SLC28A3: variants seen among roughly 807,000 people sequenced by gnomAD.
SLC28A3 encodes the protein concentrative Na(+)-nucleoside cotransporter 3.
SLC28A3 carries 68 observed loss-of-function variants against 84.2 expected under a neutral mutation model. The ratio of observed to expected loss-of-function variants is 0.81; its 90% CI spans 0.66 to 0.99. The LOEUF is 0.99. Ranked by LOEUF, SLC28A3 falls within the 50% of genes least tolerant of loss-of-function variation. The pLI is 0.00. For synonymous variants in SLC28A3, 267 were observed against 303.6 expected (o/e 0.88, Z 1.25); for missense variants, 712 against 841.5 (o/e 0.85, Z 1.90).
At position 84,277,358 on chromosome 9, in the gene SLC28A3, T is replaced by C. The variant is rs1391640534; in HGVS notation, c.*860A>G. 6.6e-6 allele frequency: 1 copy of C among 152,274 alleles called. No homozygotes were observed. Among genetic ancestry groups the C allele is most frequent in the Non-Finnish European group, 1.5e-5 (1 of 68,052 alleles). 9.4% of individuals were successfully genotyped at this position (152,274 alleles called of 1,614,324 possible). A position where few individuals can be genotyped will look rare whatever the true frequency, so the allele number is the denominator to read the frequency against. ...CATCGTGCCTGTCACAGGACTTGTT[T>C]TGGCTAATGGAATGTCATGGAAGTA... On this transcript the variant is annotated 3_prime_UTR_variant, in exon 18 of 18. Coordinates refer to ENST00000376238, the MANE Select transcript of SLC28A3 (RefSeq NM_001199633.2).
At chr9:84,285,055 G>T (rs1353195788) in intron 14 of SLC28A3, among the ~76,000 whole-genome samples, 1 of 152,200 alleles carries the variant, frequency 6.6e-6, no homozygotes, top group Non-Finnish European at 1.5e-5. Flanking sequence ...ATTGATTGCA[G>T]TCCCAGCTCA....
rs1233112485 is a variant in SLC28A3 at position 84,292,479 on chromosome 9, C to CTCTG, written c.1023+188_1023+189insCAGA. The CTCTG allele has an allele frequency of 3.4e-4, 95 of 275,564 alleles. No individual in the cohort carries two copies. In the African/African-American group the frequency reaches 4.2e-3, roughly 12 times the overall value. 17.1% of individuals were successfully genotyped at this position (275,564 alleles called of 1,614,324 possible). A position where few individuals can be genotyped will look rare whatever the true frequency, so the allele number is the denominator to read the frequency against. ...TGTCTCTCTGTCTCTCTCTCTGTCT[C>CTCTG]TCTCTCTCTCTCTCTCTGTCTCTCT... On this transcript the variant is annotated intron_variant, in intron 10 of 17. Transcript: ENST00000376238.
At chr9:84,342,663 C>A (rs1427512491), upstream of SLC28A3, among the ~76,000 whole-genome samples, 1 of 151,976 alleles carries the variant, frequency 6.6e-6, no homozygotes, top group African/African-American at 2.4e-5. Flanking sequence ...AGCAATCTTC[C>A]CACCTGCCTT....
At chr9:84,303,666 C>T (rs1825703496) in intron 4 of SLC28A3, among the ~76,000 whole-genome samples, 1 of 152,084 alleles carries the variant, frequency 6.6e-6, no homozygotes, top group Non-Finnish European at 1.5e-5. Flanking sequence ...CAAGGCATTT[C>T]CTCTTGATAT....
At chr9:84,367,869 C>A in the SLC28A3 span, among the ~76,000 whole-genome samples, 1 of 152,156 alleles carries the variant, frequency 6.6e-6, no homozygotes, top group Non-Finnish European at 1.5e-5. Flanking sequence ...AGCCATAGGG[C>A]GGTTTTCTCC....
the SLC28A3 span, among the ~76,000 whole-genome samples, chr9:84,361,083 G>T: frequency 2.6e-5 from 4 of 151,358 alleles, no homozygotes; most frequent in Non-Finnish European, 5.9e-5. Context: ...CGGTGGCTCA[G>T]GCCTGTAATC....
At chr9:84,308,928 C>T (rs995960305) in intron 3 of SLC28A3, among the ~76,000 whole-genome samples, 1 of 152,122 alleles carries the variant, frequency 6.6e-6, no homozygotes. Flanking sequence ...TAAGAGAAAC[C>T]GTTTGTTGGG....
At chr9:84,306,118 G>A (rs567744742) in intron 3 of SLC28A3, among the ~76,000 whole-genome samples, 12 of 152,190 alleles carry the variant, frequency 7.9e-5, no homozygotes, top group East Asian at 3.9e-4. Flanking sequence ...GGATCTTCTC[G>A]TTCCTGTGTG....
intron 14 of SLC28A3, among the ~76,000 whole-genome samples, chr9:84,284,087 T>A (rs191983137): frequency 6.6e-6 from 1 of 152,288 alleles, no homozygotes; most frequent in East Asian, 1.9e-4. Flanking sequence ...CAAAATTGCT[T>A]CGTGCTGCCA....
upstream of SLC28A3, among the ~76,000 whole-genome samples, chr9:84,341,132 C>A (rs1236417399): frequency 1.3e-5 from 2 of 152,006 alleles, no homozygotes; most frequent in Non-Finnish European, 2.9e-5. Context: ...TGCCACCACA[C>A]CTGGCTGACT....
At chr9:84,348,638 G>A in the SLC28A3 span, among the ~76,000 whole-genome samples, 1 of 152,204 alleles carries the variant, frequency 6.6e-6, no homozygotes, top group South Asian at 2.1e-4. Flanking sequence ...TCACTGATGT[G>A]ACAGTATAAA....
At chr9:84,319,261 A>C (rs989789537) in intron 1 of SLC28A3, among the ~76,000 whole-genome samples, 1 of 152,244 alleles carries the variant, frequency 6.6e-6, no homozygotes, top group African/African-American at 2.4e-5. Flanking sequence ...TATGACATTA[A>C]CCATATCAAG....
rs1825329421 is a variant in SLC28A3, at chr9:84,294,084, T to C, written c.942+111A>G. The C allele has an allele frequency of 3.6e-5, 32 of 882,066 alleles. No homozygotes were observed. The South Asian group carries it at 4.9e-4, about 13-fold the overall frequency. The allele number at this position is 882,066 out of a possible 1,614,324, so 54.6% of individuals were successfully genotyped here. The stretch of plus-strand genomic sequence containing the variant: ...TCACTTAGGTGGTGATGGTGGATAA[T>C]GGTAGGAAGAGAAAGGCACTTCGTA... On this transcript the variant is annotated intron_variant, in intron 9 of 17. Transcript: ENST00000376238.
chr9:84,350,415 T>C, the SLC28A3 span, among the ~76,000 whole-genome samples: 1 of 151,594 alleles, frequency 6.6e-6, no homozygotes, highest in African/African-American at 2.4e-5. Context: ...CACTCCAGCC[T>C]GGGCAACAAG....
intron 1 of SLC28A3, among the ~76,000 whole-genome samples, chr9:84,324,931 G>C (rs1826501783): frequency 6.6e-6 from 1 of 152,152 alleles, no homozygotes; most frequent in Non-Finnish European, 1.5e-5. Context: ...GCTTACTTTA[G>C]GGCCATGTTT....
At chr9:84,335,370 G>A (rs1190993967) in intron 1 of SLC28A3, among the ~76,000 whole-genome samples, 1 of 152,088 alleles carries the variant, frequency 6.6e-6, no homozygotes, top group Non-Finnish European at 1.5e-5. Context: ...GCAAGACCCT[G>A]TCTCTACAAA....
At chr9:84,354,949 T>A in the SLC28A3 span, among the ~76,000 whole-genome samples, 1 of 152,120 alleles carries the variant, frequency 6.6e-6, no homozygotes, top group Non-Finnish European at 1.5e-5. Context: ...CATAAGGAAT[T>A]GCATTCAGGG....
At chr9:84,302,062 G>A in intron 5 of SLC28A3, 138 bp downstream of exon 5, 1 of 739,324 alleles carries the variant, frequency 1.4e-6, no homozygotes, top group Non-Finnish European at 2.2e-6. Context: ...TGAAGACATT[G>A]TAACAGATTA....
chr9:84,303,908 A>G (rs184731584), intron 4 of SLC28A3, among the ~76,000 whole-genome samples: 1 of 152,274 alleles, frequency 6.6e-6, no homozygotes, highest in Admixed American at 6.5e-5. Context: ...AGCTTATTGA[A>G]TACTTATGCT....
Sources: gnomAD v4.1 joint callset for allele counts (sites outside exome capture counted in the v4.1 genomes callset) on GRCh38, gnomAD v4.1.1 for gene constraint, MANE v1.5 for transcripts, NCBI Gene and HGNC (gene_info 2026-07-23, HGNC 2026-07-21) for gene names.